Variants in EDDM3A observed in about 807,000 individuals in gnomAD.
EDDM3A encodes epididymal secretory protein E3-alpha.
For synonymous variants in EDDM3A, 75 were observed against 60.4 expected (o/e 1.24, Z -1.12); for missense variants, 199 against 177.4 (o/e 1.12, Z -0.69).
intron 1 of EDDM3A, among the ~76,000 whole-genome samples, 199 bp from the exon 2 acceptor site, chr14:20,747,356 C>A (rs896454951): frequency 6.6e-6 from 1 of 152,154 alleles, no homozygotes; most frequent in African/African-American, 2.4e-5. Flanking sequence ...CTTGGCCTCC[C>A]AAACTGCTGG....
chr14:20,742,476 A>C (rs1877463267), upstream of EDDM3A, among the ~76,000 whole-genome samples: 1 of 152,224 alleles, frequency 6.6e-6, no homozygotes, highest in Non-Finnish European at 1.5e-5. Flanking sequence ...ATCTCTCTCC[A>C]AGGGAATCCT....
chr14:20,739,730 G>A, the EDDM3A span, among the ~76,000 whole-genome samples: 1 of 152,122 alleles, frequency 6.6e-6, no homozygotes, highest in Non-Finnish European at 1.5e-5. Flanking sequence ...ACACTGAAAG[G>A]ATTAACAGCT....
Position 20,748,002 on chromosome 14 carries a change from T to C in EDDM3A, c.422T>C (p.Ile141Thr). The C allele has an allele frequency of 1.2e-6, 2 of 1,602,620 alleles. No homozygotes were observed. The highest frequency in any genetic ancestry group is 1.7e-6 in the Non-Finnish European group (2 of 1,174,402). The change falls in exon 2 of 2, where the codon ATT (isoleucine) becomes ACT (threonine). Residue 141 changes from isoleucine to threonine, a missense_variant. Physicochemically the swap from Ile to Thr is moderately conservative, Grantham distance 89. Coordinates refer to ENST00000326842, the MANE Select transcript of EDDM3A (RefSeq NM_006683.5). The part of the protein sequence containing the change: ...GYVDNIEDLR[I>T]IEPISN The stretch of plus-strand genomic sequence containing the variant: ...GTTGATAACATAGAAGACCTGAGGA[T>C]TATAGAACCTATCAGCAACTAGAAA...
At position 20,748,144 on chromosome 14, in the gene EDDM3A, A is replaced by G; in HGVS notation, c.*120A>G. On this transcript the variant is annotated 3_prime_UTR_variant, in exon 2 of 2. Transcript: ENST00000326842. ...TACATTTATGTGTCAGTGTTTTCCA[A>G]CTACTTAGAGTTTATGTACCTCGTG... 1.4e-6 allele frequency: 1 copy of G among 702,366 alleles called. No individual in the cohort carries two copies. The highest frequency in any genetic ancestry group is 2.4e-6 in the Non-Finnish European group (1 of 423,218). The allele number at this position is 702,366 out of a possible 1,614,324, so 43.5% of individuals were successfully genotyped here.
upstream of EDDM3A, among the ~76,000 whole-genome samples, chr14:20,745,051 G>A (rs181061264): frequency 6.6e-6 from 1 of 152,198 alleles, no homozygotes; most frequent in East Asian, 1.9e-4. Context: ...GTGAAACCCT[G>A]TCTCTACAAA....
upstream of EDDM3A, among the ~76,000 whole-genome samples, chr14:20,743,486 G>A (rs1434896284): frequency 6.8e-6 from 1 of 147,196 alleles, no homozygotes; most frequent in Non-Finnish European, 1.5e-5. Context: ...GGAGGCAGAG[G>A]TTCCAGTGAG....
upstream of EDDM3A, among the ~76,000 whole-genome samples, chr14:20,744,952 G>A (rs1010136513): frequency 3.3e-5 from 5 of 152,136 alleles, no homozygotes; most frequent in Admixed American, 2.0e-4. Flanking sequence ...CTGACCAAGT[G>A]GCTCATGCCT....
At position 20,747,968 on chromosome 14, in the gene EDDM3A, G is replaced by A; in HGVS notation, c.388G>A (p.Asp130Asn). Residue 130 changes from aspartate to asparagine, a missense_variant, in exon 2 of 2, where the codon GAT becomes AAT. Physicochemically the swap from Asp to Asn is conservative, Grantham distance 23. Coordinates refer to ENST00000326842, the MANE Select transcript of EDDM3A (RefSeq NM_006683.5). Reference sequence around the variant, plus strand: ...CTACATTGAATTCCATTGTGGCGTAGATGGATATGTTGATAACATAGAAGA... The same window carrying A: ...CTACATTGAATTCCATTGTGGCGTAAATGGATATGTTGATAACATAGAAGA... ...FSYIEFHCGV[D>N]GYVDNIEDLR... 1 of 1,613,768 alleles carries A rather than the reference G, an allele frequency of 6.2e-7. No homozygotes were observed. Among genetic ancestry groups the A allele is most frequent in the South Asian group, 1.1e-5 (1 of 90,968 alleles).
At position 20,748,079 on chromosome 14, in the gene EDDM3A, T is replaced by C; in HGVS notation, c.*55T>C. ...AGAGTATTCAGTGCTTCCAAAGTGG[T>C]GGGCCCTGCCTCCATCAATAGCCCC... On this transcript the variant is annotated 3_prime_UTR_variant, in exon 2 of 2. Transcript: ENST00000326842. 2.1e-6 allele frequency: 3 copies of C among 1,413,634 alleles called. No homozygotes were observed. Among genetic ancestry groups the C allele is most frequent in the Non-Finnish European group, 1.9e-6 (2 of 1,040,844 alleles). 87.6% of individuals were successfully genotyped at this position (1,413,634 alleles called of 1,614,324 possible). A position where few individuals can be genotyped will look rare whatever the true frequency, so the allele number is the denominator to read the frequency against.
the EDDM3A span, among the ~76,000 whole-genome samples, chr14:20,740,624 T>A: frequency 6.6e-6 from 1 of 152,198 alleles, no homozygotes; most frequent in Non-Finnish European, 1.5e-5. Flanking sequence ...CTGGGCTCTT[T>A]GGGTTTCAGT....
chr14:20,737,177 C>T, the EDDM3A span, among the ~76,000 whole-genome samples: 14 of 151,748 alleles, frequency 9.2e-5, no homozygotes, highest in Middle Eastern at 3.4e-3. Context: ...CCTTAGCCTC[C>T]GAGTAACTCA....
chr14:20,746,236 C>A (rs1459536985), intron 1 of EDDM3A, among the ~76,000 whole-genome samples: 4 of 152,222 alleles, frequency 2.6e-5, no homozygotes, highest in East Asian at 1.9e-4. Flanking sequence ...CTTGTGTAGG[C>A]CTTTATCACC....
At position 20,747,734 on chromosome 14, in the gene EDDM3A, G is replaced by C. The variant is rs1877644823; in HGVS notation, c.154G>C (p.Val52Leu). Residue 52 changes from valine (V) to leucine (L), a missense_variant, in exon 2 of 2, where the codon GTC (valine) becomes CTC (leucine). Coordinates refer to ENST00000326842, the MANE Select transcript of EDDM3A (RefSeq NM_006683.5). ...AGAATTCAAAGAGTACAAATGTGAT[G>C]TCCTCATGAGAGAAAAAGAGGCTCT... ...SREFKEYKCD[V>L]LMREKEALKG... 1 of 1,614,140 alleles carries C rather than the reference G, an allele frequency of 6.2e-7. No individual in the cohort carries two copies.
the EDDM3A span, among the ~76,000 whole-genome samples, chr14:20,740,831 G>GTTTAAAGAAAGTGGAAAGAAATC: frequency 2.0e-5 from 3 of 152,108 alleles, no homozygotes; most frequent in African/African-American, 7.2e-5. Context: ...ATGACAAGAT[G>GTTTAAAGAAAGTGGAAAGAAATC]CAGGAATGGC....
At chr14:20,744,191 C>T (rs1877516850), upstream of EDDM3A, among the ~76,000 whole-genome samples, 1 of 152,186 alleles carries the variant, frequency 6.6e-6, no homozygotes, top group South Asian at 2.1e-4. Context: ...CTGTTTTGCT[C>T]TCCCCTGTCC....
At position 20,747,585 on chromosome 14, in the gene EDDM3A, C is replaced by A; in HGVS notation, c.5C>A (p.Thr2Lys). The A allele has an allele frequency of 6.3e-7, 1 of 1,598,298 alleles. No individual in the cohort carries two copies. Among genetic ancestry groups the A allele is most frequent in the Non-Finnish European group, 8.5e-7 (1 of 1,172,060 alleles). Residue 2 changes from threonine to lysine, a missense_variant, in exon 2 of 2, where the codon ACA becomes AAA. By Grantham distance (78) the Thr-to-Lys change is moderately conservative (BLOSUM62 -1). Transcript: ENST00000326842. M[T>K]SSLKIWGILL... ...CAGGTGGACGTGGTGACTGAGATGA[C>A]ATCCTCTCTAAAGATTTGGGGCATA...
chr14:20,741,022 C>A (rs74034395), upstream of EDDM3A, among the ~76,000 whole-genome samples: 2 of 152,156 alleles, frequency 1.3e-5, no homozygotes, highest in African/African-American at 4.8e-5. Flanking sequence ...ATTTGAAAAA[C>A]AGTATTGCTA....
intron 1 of EDDM3A, among the ~76,000 whole-genome samples, chr14:20,746,706 C>T (rs998419810): frequency 6.6e-6 from 1 of 152,176 alleles, no homozygotes; most frequent in Admixed American, 6.5e-5. Flanking sequence ...TTCACCCAGA[C>T]TTTGGGGAAA....
the EDDM3A span, among the ~76,000 whole-genome samples, chr14:20,738,059 C>T: frequency 6.6e-6 from 1 of 152,186 alleles, no homozygotes; most frequent in Non-Finnish European, 1.5e-5. Flanking sequence ...AGTGTATCTA[C>T]ATTGGTCATC....
Sources: gnomAD v4.1 joint callset for allele counts (sites outside exome capture counted in the v4.1 genomes callset) on GRCh38, gnomAD v4.1.1 for gene constraint, MANE v1.5 for transcripts, NCBI Gene and HGNC (gene_info 2026-07-23, HGNC 2026-07-21) for gene names.